VTI1A: variants seen among roughly 807,000 people sequenced by gnomAD.
The protein encoded by VTI1A is vesicle transport through interaction with t-SNAREs 1A.
A neutral mutation model predicts 34.9 loss-of-function variants in VTI1A; 22 were observed. The observed-to-expected ratio is 0.63, with a 90% CI of 0.45 to 0.90. The LOEUF (loss-of-function observed/expected upper bound fraction) is 0.90, where lower values mean the gene tolerates loss of function less well. Among genes scored for constraint, VTI1A ranks in the 40% least tolerant of loss-of-function variants. The probability of loss-of-function intolerance (pLI) is 0.00; values close to 1 mark genes in which losing one functional copy is unlikely to be tolerated. For missense variants in VTI1A, 268 were observed against 275.6 expected (o/e 0.97, Z 0.20); for synonymous variants, 87 against 97.3 (o/e 0.89, Z 0.62).
chr10:112,506,132 G>A (rs1036027921), intron 3 of VTI1A, among the ~76,000 whole-genome samples: 4 of 152,032 alleles, frequency 2.6e-5, no homozygotes, highest in Non-Finnish European at 5.9e-5. Flanking sequence ...AACCTAGATG[G>A]TCTAGCCTAT....
rs200445747 is a variant in VTI1A at position 112,464,571 on chromosome 10, C to T, written c.178C>T (p.Arg60Ter). The change falls in exon 3 of 8, where the codon CGA becomes TGA. Residue 60 changes from arginine to a stop codon, truncating the protein, a stop_gained. Coordinates refer to ENST00000393077, the MANE Select transcript of VTI1A (RefSeq NM_145206.4). LOFTEE classifies it high-confidence loss of function. ...GCTTGAACAGATGGATTTGGAAGTC[C>T]GAGAGATACCACCCCAAAGTCGAGG... ...ELLEQMDLEV[R>*]EIPPQSRGMY... The T allele has an allele frequency of 1.3e-5, 21 of 1,612,400 alleles. No homozygotes were observed. Among genetic ancestry groups the T allele is most frequent in the South Asian group, 2.2e-5 (2 of 90,960 alleles).
chr10:112,646,675 A>AT (rs1278134041), intron 5 of VTI1A, among the ~76,000 whole-genome samples: 1 of 151,572 alleles, frequency 6.6e-6, no homozygotes, highest in Non-Finnish European at 1.5e-5. Context: ...CGTCCAGCTA[A>AT]TTTTTTTGTA....
At chr10:112,693,789 G>C (rs1247214169) in intron 7 of VTI1A, among the ~76,000 whole-genome samples, 2 of 152,184 alleles carry the variant, frequency 1.3e-5, no homozygotes, top group African/African-American at 4.8e-5. Context: ...ATATGCACTT[G>C]GAGAAATAAA....
chr10:112,771,184 T>C lies in VTI1A; in HGVS notation c.561-44106T>C, dbSNP rs576611442. ...CTGCCTCTTACTAGCTGTCTGACCT[T>C]GGAGAATTTTCCTCATCTTTAAGTG... is the stretch of plus-strand genomic sequence containing the variant. On this transcript the variant is annotated intron_variant, in intron 7 of 7. Transcript: ENST00000393077. Among the ~76,000 whole-genome samples, 3 of 152,316 alleles carry C rather than the reference T, an allele frequency of 2.0e-5. No homozygotes were observed. The South Asian group carries it at 6.2e-4, about 32-fold the overall frequency.
the VTI1A span, among the ~76,000 whole-genome samples, chr10:112,833,980 A>T: frequency 6.6e-6 from 1 of 152,174 alleles, no homozygotes; most frequent in Non-Finnish European, 1.5e-5. Context: ...GAGGCTCAGG[A>T]CCACAAGCCA....
chr10:112,643,719 A>C (rs907030414), intron 5 of VTI1A, among the ~76,000 whole-genome samples: 5 of 152,262 alleles, frequency 3.3e-5, no homozygotes, highest in African/African-American at 1.2e-4. Flanking sequence ...AGAGGAAAAC[A>C]GACAAAAACT....
chr10:112,744,504 G>GCACAA (rs1242001872), intron 7 of VTI1A, among the ~76,000 whole-genome samples: 2 of 146,482 alleles, frequency 1.4e-5, no homozygotes, highest in Admixed American at 1.4e-4. Context: ...GCCCAGGCTG[G>GCACAA]CACAACCATG....
At chr10:112,723,418 A>G (rs1849884315) in intron 7 of VTI1A, among the ~76,000 whole-genome samples, 1 of 152,156 alleles carries the variant, frequency 6.6e-6, no homozygotes, top group Non-Finnish European at 1.5e-5. Context: ...TCAAGCTTGA[A>G]CCCGGTAACC....
At chr10:112,786,880 A>G (rs568491166) in intron 7 of VTI1A, among the ~76,000 whole-genome samples, 19 of 152,270 alleles carry the variant, frequency 1.2e-4, no homozygotes, top group Admixed American at 7.2e-4. Flanking sequence ...ATTTCTTGTA[A>G]TATTTTTGTT....
intron 5 of VTI1A, among the ~76,000 whole-genome samples, chr10:112,579,927 G>A (rs1391621609): frequency 6.6e-6 from 1 of 152,162 alleles, no homozygotes; most frequent in African/African-American, 2.4e-5. Flanking sequence ...GGTAGGAAGT[G>A]GTGGCTTTTA....
intron 7 of VTI1A, among the ~76,000 whole-genome samples, chr10:112,772,430 A>G (rs1457519577): frequency 6.6e-6 from 1 of 152,124 alleles, no homozygotes; most frequent in Non-Finnish European, 1.5e-5. Context: ...GAGTTTTTTA[A>G]GATAGTCTAG....
chr10:112,786,184 A>G (rs1362021605), intron 7 of VTI1A, among the ~76,000 whole-genome samples: 1 of 152,098 alleles, frequency 6.6e-6, no homozygotes, highest in Non-Finnish European at 1.5e-5. Context: ...AGTTGTTTCT[A>G]AGTTTTGCAT....
At chr10:112,652,797 C>A (rs1406917883) in intron 5 of VTI1A, among the ~76,000 whole-genome samples, 2 of 151,684 alleles carry the variant, frequency 1.3e-5, no homozygotes, top group Non-Finnish European at 2.9e-5. Context: ...GAAATATAGG[C>A]CCACTGGGCC....
intron 7 of VTI1A, among the ~76,000 whole-genome samples, chr10:112,727,063 G>T (rs191172317): frequency 6.6e-6 from 1 of 152,268 alleles, no homozygotes; most frequent in Admixed American, 6.5e-5. Context: ...CATTGAATAG[G>T]GTACAAAGCA....
intron 7 of VTI1A, among the ~76,000 whole-genome samples, chr10:112,691,752 C>T (rs1188448130): frequency 6.6e-6 from 1 of 152,194 alleles, no homozygotes; most frequent in East Asian, 1.9e-4. Context: ...GGAAGGTTCA[C>T]TTGAGGCAGA....
chr10:112,580,692 G>C (rs1843895393), intron 5 of VTI1A, among the ~76,000 whole-genome samples: 1 of 152,104 alleles, frequency 6.6e-6, no homozygotes, highest in Non-Finnish European at 1.5e-5. Context: ...ACTGTGGGAG[G>C]CAGGCCAGAT....
rs1399281669 is a variant in VTI1A at position 112,538,130 on chromosome 10, G to A, written c.343-116G>A. On this transcript the variant is annotated intron_variant, in intron 4 of 7. Transcript: ENST00000393077. Reference sequence around the variant, plus strand: ...AATTTGCTAAAAATTAACTGTAATGGGTTGCGAACCCCCCCACCCCATGTT... The same window carrying A: ...AATTTGCTAAAAATTAACTGTAATGAGTTGCGAACCCCCCCACCCCATGTT... 3.0e-5 allele frequency: 23 copies of A among 761,298 alleles called. No individual in the cohort carries two copies. The Admixed American group carries it at 6.0e-4, about 20-fold the overall frequency. The allele number at this position is 761,298 out of a possible 1,614,324, so 47.2% of individuals were successfully genotyped here. A position where few individuals can be genotyped will look rare whatever the true frequency, so the allele number is the denominator to read the frequency against.
At chr10:112,710,281 C>A (rs187771068) in intron 7 of VTI1A, among the ~76,000 whole-genome samples, 1 of 150,050 alleles carries the variant, frequency 6.7e-6, no homozygotes, top group Non-Finnish European at 1.5e-5. Context: ...GCTCTCAGCT[C>A]GCTGCAACCT....
At chr10:112,678,792 TC>T (rs1278608908) in intron 7 of VTI1A, among the ~76,000 whole-genome samples, 2 of 152,174 alleles carry the variant, frequency 1.3e-5, no homozygotes, top group Non-Finnish European at 2.9e-5. Flanking sequence ...CAACTGTGAA[TC>T]TGCTTTTCAA....
Sources: gnomAD v4.1 joint callset for allele counts (sites outside exome capture counted in the v4.1 genomes callset) on GRCh38, gnomAD v4.1.1 for gene constraint, MANE v1.5 for transcripts, NCBI Gene and HGNC (gene_info 2026-07-23, HGNC 2026-07-21) for gene names.